Variants in GRM7 observed in about 807,000 individuals in gnomAD.
The protein encoded by GRM7 is glutamate metabotropic receptor 7, also known as metabotropic glutamate receptor 7.
GRM7 carries 35 observed loss-of-function variants against 84.5 expected under a neutral mutation model. The ratio of observed to expected loss-of-function variants is 0.41; its 90% confidence interval spans 0.32 to 0.55. GRM7 has a LOEUF of 0.55. Ranked by LOEUF, GRM7 falls within the 20% of genes least tolerant of loss-of-function variation. GRM7 has a pLI of 0.19. For missense variants in GRM7, 1,003 were observed against 1,194.6 expected (o/e 0.84, Z 2.36); for synonymous variants, 487 against 455.1 (o/e 1.07, Z -0.89).
rs1695112916 is a variant in GRM7 at position 7,579,101 on chromosome 3, A to G, written c.2195A>G (p.Tyr732Cys). The change falls in exon 8 of 10, where the codon TAT becomes TGT. Residue 732 changes from tyrosine to cysteine, a missense_variant. This residue lies in a region of GRM7 where 910 missense variants were observed against 1,126.0 expected (regional missense o/e 0.81). Transcript: ENST00000357716. ...GATCCACCCAACATCATCATAGACT[A>G]TGATGAACACAAGACAATGAACCCT... ...GVDPPNIIID[Y>C]DEHKTMNPEQ... 1.2e-6 allele frequency: 2 copies of G among 1,613,906 alleles called. No individual in the cohort carries two copies. The highest frequency in any genetic ancestry group is 1.7e-6 in the Non-Finnish European group (2 of 1,179,820).
intron 7 of GRM7, among the ~76,000 whole-genome samples, chr3:7,548,944 G>C (rs1693306033): frequency 6.6e-6 from 1 of 152,304 alleles, no homozygotes; most frequent in African/African-American, 2.4e-5. Flanking sequence ...AATGCATGGT[G>C]GTGGTTATTA....
At chr3:7,440,236 G>T (rs1483559039) in intron 5 of GRM7, among the ~76,000 whole-genome samples, 1 of 152,168 alleles carries the variant, frequency 6.6e-6, no homozygotes, top group Non-Finnish European at 1.5e-5. Flanking sequence ...GTGAACTTTG[G>T]AAGTGAATTC....
chr3:7,707,965 CCCTATAAAGCAAG>C (rs1165625333), intron 9 of GRM7, among the ~76,000 whole-genome samples: 1 of 145,604 alleles, frequency 6.9e-6, no homozygotes, highest in Non-Finnish European at 1.5e-5. Context: ...ACTTCCCATG[CCCTATAAAGCAAG>C]CCTTTTTTTA....
chr3:7,202,768 A>G (rs1016777421), intron 2 of GRM7, among the ~76,000 whole-genome samples: 2 of 152,210 alleles, frequency 1.3e-5, no homozygotes, highest in Non-Finnish European at 1.5e-5. Flanking sequence ...CAAAATCTCC[A>G]GGGAAGGGGT....
chr3:7,445,616 A>G (rs1008872350), intron 5 of GRM7, among the ~76,000 whole-genome samples: 2 of 152,170 alleles, frequency 1.3e-5, no homozygotes, highest in African/African-American at 4.8e-5. Context: ...GGCTCATTCC[A>G]GACCTGACTT....
intron 1 of GRM7, among the ~76,000 whole-genome samples, chr3:6,913,780 C>T (rs1313161099): frequency 2.0e-5 from 3 of 152,120 alleles, no homozygotes; most frequent in Non-Finnish European, 2.9e-5. Context: ...CCACCTAACC[C>T]TACTTCTGAT....
At chr3:6,946,199 C>G (rs536568696) in intron 1 of GRM7, among the ~76,000 whole-genome samples, 6 of 152,260 alleles carry the variant, frequency 3.9e-5, no homozygotes, top group East Asian at 1.9e-4. Context: ...TTAGGTCTAA[C>G]ATTTAAGTCT....
chr3:7,049,300 A>G (rs140915427), intron 1 of GRM7, among the ~76,000 whole-genome samples: 42 of 152,104 alleles, frequency 2.8e-4, no homozygotes, highest in African/African-American at 5.8e-4. Flanking sequence ...ACAGTTCCAC[A>G]TGGCTGGGAG....
At chr3:7,053,964 A>G (rs1486624874) in intron 1 of GRM7, among the ~76,000 whole-genome samples, 1 of 151,230 alleles carries the variant, frequency 6.6e-6, no homozygotes, top group Non-Finnish European at 1.5e-5. Flanking sequence ...CTGTGACAAT[A>G]TTGAACATGG....
intron 1 of GRM7, among the ~76,000 whole-genome samples, chr3:6,876,474 A>G (rs974809454): frequency 6.6e-6 from 1 of 151,992 alleles, no homozygotes; most frequent in African/African-American, 2.4e-5. Flanking sequence ...GTATGTTATT[A>G]TGACCCCCAT....
chr3:7,453,566 T>A (rs1484802195), intron 6 of GRM7, among the ~76,000 whole-genome samples: 2 of 152,112 alleles, frequency 1.3e-5, no homozygotes, highest in African/African-American at 4.8e-5. Flanking sequence ...GATGAAGAGA[T>A]CCTAGGGCAA....
At chr3:7,602,523 C>G (rs967972274) in intron 8 of GRM7, among the ~76,000 whole-genome samples, 1 of 152,156 alleles carries the variant, frequency 6.6e-6, no homozygotes, top group Admixed American at 6.6e-5. Flanking sequence ...GATACCATCT[C>G]ACAGAGGAAA....
intron 1 of GRM7, among the ~76,000 whole-genome samples, chr3:6,960,021 T>C (rs1360271834): frequency 6.6e-6 from 1 of 152,224 alleles, no homozygotes; most frequent in Non-Finnish European, 1.5e-5. Context: ...AGGAAGTTTC[T>C]GCTTATATCA....
At chr3:7,281,954 G>T (rs1699266008) in intron 2 of GRM7, among the ~76,000 whole-genome samples, 1 of 152,130 alleles carries the variant, frequency 6.6e-6, no homozygotes, top group South Asian at 2.1e-4. Context: ...GTGGCAGCGT[G>T]AGGCTGTAGT....
At chr3:7,577,420 A>G (rs1211457849) in intron 7 of GRM7, among the ~76,000 whole-genome samples, 4 of 152,200 alleles carry the variant, frequency 2.6e-5, no homozygotes, top group Non-Finnish European at 4.4e-5. Context: ...ACAACCCAAG[A>G]GCTTCAGTGT....
intron 8 of GRM7, among the ~76,000 whole-genome samples, chr3:7,632,645 ATG>A (rs1697907055): frequency 6.6e-6 from 1 of 152,242 alleles, no homozygotes; most frequent in Non-Finnish European, 1.5e-5. Flanking sequence ...CCTTATTGTA[ATG>A]ATGGGAGCAA....
chr3:7,542,585 G>A (rs1692937626), intron 7 of GRM7, among the ~76,000 whole-genome samples: 1 of 138,532 alleles, frequency 7.2e-6, no homozygotes, highest in Admixed American at 7.6e-5. Flanking sequence ...GTCTCACTCT[G>A]TCGCCAGACT....
intron 1 of GRM7, among the ~76,000 whole-genome samples, chr3:6,926,976 A>G (rs1038887480): frequency 2.6e-5 from 4 of 152,206 alleles, no homozygotes; most frequent in Non-Finnish European, 5.9e-5. Flanking sequence ...TCTTCTTTTT[A>G]TCATAGTCAG....
At chr3:7,372,824 A>G (rs2125119766) in intron 4 of GRM7, among the ~76,000 whole-genome samples, 1 of 151,982 alleles carries the variant, frequency 6.6e-6, no homozygotes, top group South Asian at 2.1e-4. Flanking sequence ...CAAGGAAGAG[A>G]AAGGGGGTAA....
Sources: allele counts gnomAD v4.1 joint callset (sites outside exome capture counted in the v4.1 genomes callset), GRCh38; gene constraint gnomAD v4.1.1; regional missense constraint gnomAD v4.1.1; transcripts MANE v1.5; gene names NCBI Gene and HGNC (gene_info 2026-07-23, HGNC 2026-07-21).